Variants in RGS12 observed in about 807,000 individuals in gnomAD.
The protein encoded by RGS12 is regulator of G protein signaling 12, also known as regulator of G-protein signaling 12.
Under a neutral mutation model 120.1 loss-of-function variants are expected in RGS12, and 66 were observed. The ratio of observed to expected loss-of-function variants is 0.55; its 90% CI spans 0.45 to 0.67. The LOEUF (loss-of-function observed/expected upper bound fraction) is 0.67. Among genes scored for constraint, RGS12 ranks in the 30% least tolerant of loss-of-function variants. The probability of loss-of-function intolerance (pLI) is 0.00; values close to 1 mark genes in which losing one functional copy is unlikely to be tolerated. For synonymous variants in RGS12, 827 were observed against 804.7 expected, an observed-to-expected ratio of 1.03 and a Z score of -0.47; for missense variants, 1,859 against 1,957.7, an observed-to-expected ratio of 0.95 and a Z score of 0.95.
chr4:3,425,650 A>T, intron 14 of RGS12, 90 bp downstream of exon 14: 4 of 142,046 alleles, frequency 2.8e-5, no homozygotes, highest in Non-Finnish European at 4.8e-5. Context: ...GGAGGGGGTG[A>T]GTGGGGCCAG....
chr4:3,368,930 A>C (rs1414123491), intron 3 of RGS12, among the ~76,000 whole-genome samples: 1 of 152,100 alleles, frequency 6.6e-6, no homozygotes, highest in Non-Finnish European at 1.5e-5. Context: ...CCTCTGGCCC[A>C]GAGCCCAGGG....
At chr4:3,435,897 C>T (rs4613510) in intron 17 of RGS12, among the ~76,000 whole-genome samples, 12,691 of 152,236 alleles carry the variant, frequency 0.083, 804 homozygotes, top group South Asian at 0.26. Flanking sequence ...GCTGGAGCTC[C>T]GGCTTGAAGC....
chr4:3,351,745 C>T (rs750206415), intron 3 of RGS12, among the ~76,000 whole-genome samples: 2 of 152,134 alleles, frequency 1.3e-5, no homozygotes, highest in Non-Finnish European at 2.9e-5. Context: ...GTTTGCCCAT[C>T]ACCACACGAG....
At chr4:3,352,979 T>A (rs1198436961) in intron 3 of RGS12, among the ~76,000 whole-genome samples, 1 of 152,214 alleles carries the variant, frequency 6.6e-6, no homozygotes, top group Non-Finnish European at 1.5e-5. Context: ...TTGGAAGGGA[T>A]GTTTGACTCC....
At chr4:3,338,504 G>A (rs190011814) in intron 2 of RGS12, among the ~76,000 whole-genome samples, 1 of 152,236 alleles carries the variant, frequency 6.6e-6, no homozygotes, top group Non-Finnish European at 1.5e-5. Context: ...TAGTAATGCC[G>A]GTTGACCGGC....
chr4:3,405,365 G>A (rs761651385), intron 4 of RGS12, among the ~76,000 whole-genome samples: 5 of 152,208 alleles, frequency 3.3e-5, no homozygotes, highest in Non-Finnish European at 5.9e-5. Context: ...GAGGGACACC[G>A]CATGGCTTCC....
intron 15 of RGS12, 43 bp downstream of exon 15, chr4:3,428,212 C>A: frequency 6.5e-7 from 1 of 1,548,664 alleles, no homozygotes; most frequent in Non-Finnish European, 8.9e-7. Flanking sequence ...GCTCCTCTCG[C>A]TGTGGCCCCC....
At chr4:3,290,651 G>A (rs1201137514), upstream of RGS12, among the ~76,000 whole-genome samples, 2 of 152,214 alleles carry the variant, frequency 1.3e-5, no homozygotes, top group Admixed American at 1.3e-4. Flanking sequence ...ATGAGCTGTG[G>A]GTAGGGCCGC....
intron 3 of RGS12, among the ~76,000 whole-genome samples, chr4:3,349,385 T>G (rs1415141256): frequency 6.6e-6 from 1 of 152,184 alleles, no homozygotes; most frequent in East Asian, 1.9e-4. Context: ...TCATACAAAA[T>G]TATTCATTTT....
chr4:3,363,453 T>C (rs1715934237), intron 3 of RGS12, among the ~76,000 whole-genome samples: 1 of 151,594 alleles, frequency 6.6e-6, no homozygotes, highest in African/African-American at 2.4e-5. Flanking sequence ...CCAGGCCTTG[T>C]GGTTAGTTGA....
At chr4:3,312,829 C>T (rs1038397031) in intron 1 of RGS12, 1 of 203,164 alleles carries the variant, frequency 4.9e-6, no homozygotes, top group African/African-American at 2.4e-5. Flanking sequence ...GAAGGGCAAC[C>T]ACAGGTTCCA....
In RGS12 at chr4:3,433,860, G is replaced by A. The variant is rs2109254431; in HGVS notation, c.4114+2905G>A. Among the ~76,000 whole-genome samples, 3 of 152,194 alleles carry A rather than the reference G, an allele frequency of 2.0e-5. 1 individual carries two copies. Among genetic ancestry groups the A allele is most frequent in the Middle Eastern group, 6.8e-3 (2 of 294 alleles). ...CCCCCATGCATGTCTGGTCCCGGGA[G>A]GCATGTGGGTGGGTCTCCTTTCCCT... On this transcript the variant is annotated intron_variant, in intron 17 of 17. Transcript: ENST00000336727. This position sits in a 1 kb window ranked among gnomAD's most constrained non-coding sequence, Gnocchi z 4.4.
chr4:3,410,285 C>T (rs534221836), intron 4 of RGS12, among the ~76,000 whole-genome samples: 1 of 152,306 alleles, frequency 6.6e-6, no homozygotes, highest in South Asian at 2.1e-4. Flanking sequence ...AATTTATTTT[C>T]ATTTTCTGTA....
At chr4:3,339,621 G>T (rs1712840399) in intron 2 of RGS12, among the ~76,000 whole-genome samples, 1 of 152,214 alleles carries the variant, frequency 6.6e-6, no homozygotes, top group Non-Finnish European at 1.5e-5. Flanking sequence ...CATAGCTGGG[G>T]AGGCCAAAGA....
chr4:3,361,947 C>T (rs987244710), intron 3 of RGS12, among the ~76,000 whole-genome samples: 4 of 152,196 alleles, frequency 2.6e-5, no homozygotes, highest in African/African-American at 9.6e-5. Flanking sequence ...CTGAGGCTTG[C>T]AGGGAACAAT....
chr4:3,292,281 G>C (rs549257784), upstream of RGS12, among the ~76,000 whole-genome samples: 140 of 151,962 alleles, frequency 9.2e-4, no homozygotes, highest in Middle Eastern at 6.8e-3. Context: ...GGCCGGGGCC[G>C]GGCAGCTCCT....
chr4:3,337,115 A>G (rs1346830174), intron 2 of RGS12, among the ~76,000 whole-genome samples: 1 of 152,206 alleles, frequency 6.6e-6, no homozygotes, highest in Non-Finnish European at 1.5e-5. Context: ...AACATCATCA[A>G]TTATTAGGCC....
In RGS12 at chr4:3,439,455, G is replaced by A; in HGVS notation, c.4115G>A (p.Gly1372Glu). ...ACAGCTTCTCTTCTCCTTGTGACAG[G>A]AAGTGGGACCCATGGCAGCCGAGAC... is the stretch of plus-strand genomic sequence containing the variant. ...PQEVPGPSRP[G>E]SGTHGSRDLP... Residue 1372 changes from glycine (G) to glutamate (E), a missense_variant and splice_region_variant, in exon 18 of 18, where the codon GGA (glycine) becomes GAA (glutamate). Gly to Glu is a moderately conservative substitution (Grantham distance 98). Coordinates refer to ENST00000336727, the MANE Select transcript of RGS12 (RefSeq NM_001394154.1). 1 of 1,612,800 alleles carries A rather than the reference G, an allele frequency of 6.2e-7. No individual in the cohort carries two copies. Among genetic ancestry groups the A allele is most frequent in the Non-Finnish European group, 8.5e-7 (1 of 1,179,910 alleles).
intron 3 of RGS12, among the ~76,000 whole-genome samples, chr4:3,376,119 A>G (rs952407969): frequency 5.3e-5 from 8 of 152,258 alleles, no homozygotes; most frequent in Non-Finnish European, 8.8e-5. Context: ...TTGTCAGAAT[A>G]TATTATCTTA....
Sources: gnomAD v4.1 joint callset for allele counts (sites outside exome capture counted in the v4.1 genomes callset) on GRCh38, gnomAD v4.1.1 for gene constraint, Gnocchi (gnomAD v3.1) non-coding constraint, MANE v1.5 for transcripts, NCBI Gene and HGNC (gene_info 2026-07-23, HGNC 2026-07-21) for gene names.